MTURN: variants seen among roughly 807,000 people sequenced by gnomAD.
The protein encoded by MTURN is maturin.
MTURN carries 7 observed loss-of-function variants against 14.9 expected under a neutral mutation model. The observed-to-expected ratio is 0.47, with a 90% CI of 0.27 to 0.88. The LOEUF is 0.88. MTURN is among the 40% of genes least tolerant of loss of function. MTURN has a pLI of 0.14. For missense variants in MTURN, 151 were observed against 174.1 expected (o/e 0.87, Z 0.75); for synonymous variants, 69 against 72.5 (o/e 0.95, Z 0.25).
Position 30,136,747 on chromosome 7 carries a change from C to G in MTURN, c.162+1449C>G, listed in dbSNP as rs190953719. Among the ~76,000 whole-genome samples, 23 of 152,312 alleles carry G rather than the reference C, an allele frequency of 1.5e-4. No homozygotes were observed. In the East Asian group the frequency reaches 4.4e-3, roughly 29 times the overall value. On this transcript the variant is annotated intron_variant, in intron 1 of 2. Coordinates refer to ENST00000324453, the MANE Select transcript of MTURN (RefSeq NM_152793.3). ...TGACAGCCAGATTTGAGTTCTGGCT[C>G]TGTGACTGTGCTCAAATACCCACCC... is the stretch of plus-strand genomic sequence containing the variant.
chr7:30,154,058 A>G (rs1797249746), intron 2 of MTURN, among the ~76,000 whole-genome samples: 1 of 152,154 alleles, frequency 6.6e-6, no homozygotes, highest in Admixed American at 6.5e-5. Context: ...ACCAGGTTCA[A>G]GAGGCCAAAG....
chr7:30,137,111 A>G (rs1466645657), intron 1 of MTURN: 1 of 153,548 alleles, frequency 6.5e-6, no homozygotes, highest in Non-Finnish European at 1.4e-5. Flanking sequence ...CTCCATTGCA[A>G]AAGTGTGAGA....
In MTURN at chr7:30,146,246, G is replaced by C. The variant is rs773472706; in HGVS notation, c.232G>C (p.Gly78Arg). ...QLAQDYISSCGKKTLHEVLEK... is the reference protein window; with the variant it reads ...QLAQDYISSCRKKTLHEVLEK... ...AGCACAGGATTACATCTCCTCCTGC[G>C]GCAAGAAGACGCTCCACGAAGTCCT... Residue 78 changes from glycine to arginine, a missense_variant, in exon 2 of 3, where the codon GGC becomes CGC. By Grantham distance (125) the Gly-to-Arg change is moderately radical. Coordinates refer to ENST00000324453, the MANE Select transcript of MTURN (RefSeq NM_152793.3). 6.2e-7 allele frequency: 1 copy of C among 1,614,078 alleles called. No individual in the cohort carries two copies. Among genetic ancestry groups the C allele is most frequent in the South Asian group, 1.1e-5 (1 of 91,088 alleles).
At chr7:30,136,871 AG>A (rs765606533) in intron 1 of MTURN, among the ~76,000 whole-genome samples, 1 of 152,280 alleles carries the variant, frequency 6.6e-6, no homozygotes, top group South Asian at 2.1e-4. Context: ...ACACAGCAAG[AG>A]CCCCACAAAT....
intron 1 of MTURN, 86 bp downstream of exon 1, chr7:30,135,384 G>A: frequency 2.4e-6 from 3 of 1,274,810 alleles, no homozygotes; most frequent in Non-Finnish European, 3.1e-6. Flanking sequence ...CGCGCGGTGG[G>A]CGGCGGTGGG....
At chr7:30,147,125 G>A (rs1282613518) in intron 2 of MTURN, among the ~76,000 whole-genome samples, 1 of 152,176 alleles carries the variant, frequency 6.6e-6, no homozygotes, top group East Asian at 1.9e-4. Flanking sequence ...TTTGAACATA[G>A]TAAGCTTGGT....
At chr7:30,140,028 G>C (rs1244983828) in intron 1 of MTURN, among the ~76,000 whole-genome samples, 1 of 152,134 alleles carries the variant, frequency 6.6e-6, no homozygotes, top group East Asian at 1.9e-4. Flanking sequence ...TTCGGGGCTT[G>C]GTAGGCTTGG....
chr7:30,146,942 G>A (rs760163194), intron 2 of MTURN, among the ~76,000 whole-genome samples: 1 of 152,074 alleles, frequency 6.6e-6, no homozygotes, highest in Non-Finnish European at 1.5e-5. Context: ...TATCTTCATT[G>A]GAAGATAAAG....
chr7:30,139,311 AC>A (rs1797013024), intron 1 of MTURN, among the ~76,000 whole-genome samples: 1 of 152,214 alleles, frequency 6.6e-6, no homozygotes, highest in African/African-American at 2.4e-5. Flanking sequence ...TAACTTTAGT[AC>A]TCTCACATAA....
At chr7:30,153,127 G>A (rs979057914) in intron 2 of MTURN, among the ~76,000 whole-genome samples, 1 of 152,156 alleles carries the variant, frequency 6.6e-6, no homozygotes, top group African/African-American at 2.4e-5. Context: ...GAGAATGTGT[G>A]GTTGCAGTAA....
intron 1 of MTURN, chr7:30,137,324 G>A (rs1277878937): frequency 1.4e-5 from 4 of 277,698 alleles, no homozygotes; most frequent in Middle Eastern, 1.4e-3. Flanking sequence ...TGCTGGGACC[G>A]CCCAGGCCAT....
chr7:30,161,708 C>T lies in MTURN; in HGVS notation c.*4160C>T, dbSNP rs1034570156. The T allele has an allele frequency of 3.9e-5, 6 of 152,210 alleles. No individual in the cohort carries two copies. Among genetic ancestry groups the T allele is most frequent in the Non-Finnish European group, 8.8e-5 (6 of 68,048 alleles). 9.4% of individuals were successfully genotyped at this position (152,210 alleles called of 1,614,324 possible). A position where few individuals can be genotyped will look rare whatever the true frequency, so the allele number is the denominator to read the frequency against. ...CTTAAGCGATCACAGACCCCTCTCCCCTGCAGTGGGTGTTAGCTCCAAAGA... is the reference window on the plus strand; with the variant it reads ...CTTAAGCGATCACAGACCCCTCTCCTCTGCAGTGGGTGTTAGCTCCAAAGA... On this transcript the variant is annotated 3_prime_UTR_variant, in exon 3 of 3. Transcript: ENST00000324453.
At chr7:30,139,495 G>A (rs1259250969) in intron 1 of MTURN, among the ~76,000 whole-genome samples, 2 of 152,318 alleles carry the variant, frequency 1.3e-5, no homozygotes, top group South Asian at 2.1e-4. Context: ...ACTGGGTTCA[G>A]GGAGTGCTTC....
At position 30,157,537 on chromosome 7, in the gene MTURN, A is replaced by C. The variant is rs1797306127; in HGVS notation, c.385A>C (p.Ser129Arg). ...PEADHPQMGV[S>R]QQ ...GGCGGACCACCCCCAGATGGGGGTC[A>C]GCCAGCAGTAAATCTGGGGGCTCCC... is the stretch of plus-strand genomic sequence containing the variant. Residue 129 changes from serine (S) to arginine (R), a missense_variant, in exon 3 of 3, where the codon AGC becomes CGC. Physicochemically the swap from Ser to Arg is moderately radical, Grantham distance 110 (BLOSUM62 -1). Transcript: ENST00000324453. 1.3e-6 allele frequency: 2 copies of C among 1,599,824 alleles called. No homozygotes were observed. Among genetic ancestry groups the C allele is most frequent in the African/African-American group, 2.7e-5 (2 of 74,030 alleles).
intron 1 of MTURN, chr7:30,141,015 G>A (rs1797042618): frequency 6.6e-6 from 1 of 152,366 alleles, no homozygotes; most frequent in African/African-American, 2.4e-5. Flanking sequence ...CTTGTTCCCT[G>A]TGTGACCACA....
At chr7:30,145,740 C>T (rs1348516934) in intron 1 of MTURN, 2 of 1,261,320 alleles carry the variant, frequency 1.6e-6, no homozygotes, top group Non-Finnish European at 2.1e-6. Flanking sequence ...TGTCTTGTTC[C>T]AAGTTAATGC....
intron 2 of MTURN, among the ~76,000 whole-genome samples, chr7:30,150,308 G>A (rs549136542): frequency 6.6e-6 from 1 of 152,294 alleles, no homozygotes; most frequent in African/African-American, 2.4e-5. Flanking sequence ...TAGATTATTG[G>A]TGGAGAGAGA....
rs780490014 is a variant in MTURN at position 30,146,194 on chromosome 7, C to T, written c.180C>T (p.Ser60=). ...CGDNFHVWSE[S]EDCLPFLQLA... is the part of the protein sequence containing the mutation. The stretch of plus-strand genomic sequence containing the variant: ...GCACGCAGCACGTGTGGAGTGAGAG[C>T]GAGGACTGCCTGCCTTTCTTGCAGC... Residue 60 remains serine (S), a synonymous_variant, in exon 2 of 3, where the codon AGC becomes AGT. Transcript: ENST00000324453. The T allele has an allele frequency of 8.7e-6, 14 of 1,614,018 alleles. No individual in the cohort carries two copies. Among genetic ancestry groups the T allele is most frequent in the Admixed American group, 1.7e-5 (1 of 60,010 alleles).
intron 1 of MTURN, among the ~76,000 whole-genome samples, chr7:30,137,899 AT>A (rs778067308): frequency 4.5e-4 from 69 of 151,918 alleles, no homozygotes; most frequent in Non-Finnish European, 2.2e-4. Context: ...TTCAACAAAC[AT>A]TTATTGAGGG....
Sources: allele counts gnomAD v4.1 joint callset (sites outside exome capture counted in the v4.1 genomes callset), GRCh38; gene constraint gnomAD v4.1.1; transcripts MANE v1.5; gene names NCBI Gene and HGNC (gene_info 2026-07-23, HGNC 2026-07-21).